The following ADGRV1 variants were observed in gnomAD, a reference collection of about 807,000 sequenced individuals.
ADGRV1 encodes the protein adhesion G protein-coupled receptor V1.
In ADGRV1, 359 loss-of-function variants were observed where a neutral mutation model predicts 596.2. That is an observed-to-expected ratio of 0.60 (90% CI 0.55 to 0.66). The LOEUF (loss-of-function observed/expected upper bound fraction) is 0.66, where lower values mean the gene tolerates loss of function less well. Among genes scored for constraint, ADGRV1 ranks in the 30% least tolerant of loss-of-function variants. The probability of loss-of-function intolerance (pLI) is 0.00; values close to 1 mark genes in which losing one functional copy is unlikely to be tolerated. For missense variants in ADGRV1, 7,274 were observed against 7,575.6 expected (o/e 0.96, Z 1.48); for synonymous variants, 2,681 against 2,679.2 (o/e 1.00, Z -0.02).
intron 86 of ADGRV1, among the ~76,000 whole-genome samples, chr5:91,095,548 G>A (rs746344078): frequency 6.6e-5 from 10 of 152,136 alleles, no homozygotes; most frequent in Non-Finnish European, 1.3e-4. Flanking sequence ...AGTGGGGGCT[G>A]ACTGCTGCGG....
chr5:90,626,861 A>G (rs1290863460), intron 6 of ADGRV1, among the ~76,000 whole-genome samples: 1 of 152,218 alleles, frequency 6.6e-6, no homozygotes, highest in Non-Finnish European at 1.5e-5. Context: ...TTTCAGTACT[A>G]CTTCTAAGCA....
In ADGRV1 at chr5:90,692,743, C is replaced by A. The variant is rs1257696195; in HGVS notation, c.7090C>A (p.Pro2364Thr). The change falls in exon 32 of 90, where the codon CCT becomes ACT. Residue 2364 changes from proline to threonine, a missense_variant. Physicochemically the swap from Pro to Thr is conservative, Grantham distance 38. Around this residue, in one of 5 missense-constraint regions of ADGRV1, gnomAD observed 3,643 missense variants for 3,809.2 expected, o/e 0.96. Coordinates refer to ENST00000405460, the MANE Select transcript of ADGRV1 (RefSeq NM_032119.4). The part of the protein sequence containing the change: ...FAQMVYRVQE[P>T]LERSSCANIT... ...TCAGATGGTTTATCGTGTTCAAGAG[C>A]CTCTGGAAAGAAGTTCCTGTGCTAA... 3.7e-6 allele frequency: 6 copies of A among 1,606,588 alleles called. No homozygotes were observed. The highest frequency in any genetic ancestry group is 5.1e-6 in the Non-Finnish European group (6 of 1,176,536).
intron 78 of ADGRV1, among the ~76,000 whole-genome samples, chr5:90,843,113 A>G (rs1765575227): frequency 6.6e-6 from 1 of 152,184 alleles, no homozygotes; most frequent in Non-Finnish European, 1.5e-5. Context: ...CGTAATTCCT[A>G]TCAATATATC....
At chr5:90,564,625 A>ATATATATTTTTTTTTTT (rs1391157470) in intron 1 of ADGRV1, among the ~76,000 whole-genome samples, 1 of 33,600 alleles carries the variant, frequency 3.0e-5, no homozygotes, top group African/African-American at 2.3e-4. Context: ...ATATATATAT[A>ATATATATTTTTTTTTTT]TTTTTTTTTT....
At chr5:91,107,252 G>C (rs951786336) in intron 87 of ADGRV1, among the ~76,000 whole-genome samples, 1 of 152,014 alleles carries the variant, frequency 6.6e-6, no homozygotes, top group Non-Finnish European at 1.5e-5. Context: ...AAGGGAGGTT[G>C]GTTGGTTCAA....
intron 1 of ADGRV1, among the ~76,000 whole-genome samples, chr5:90,607,490 A>G (rs550482979): frequency 6.6e-6 from 1 of 152,270 alleles, no homozygotes; most frequent in Admixed American, 6.5e-5. Flanking sequence ...GGATCCCTAA[A>G]TAAAACAGGG....
chr5:91,155,660 A>G (rs1037283089), intron 89 of ADGRV1, among the ~76,000 whole-genome samples: 1 of 152,240 alleles, frequency 6.6e-6, no homozygotes, highest in Non-Finnish European at 1.5e-5. Flanking sequence ...CACTAGCAAT[A>G]CAATCATTGT....
chr5:90,896,492 C>A (rs760477318), intron 83 of ADGRV1, among the ~76,000 whole-genome samples: 8 of 151,902 alleles, frequency 5.3e-5, no homozygotes, highest in Non-Finnish European at 1.0e-4. Context: ...CCAGGCTGGT[C>A]TCGAAATCCT....
At chr5:90,580,251 G>A (rs1206721488) in intron 1 of ADGRV1, among the ~76,000 whole-genome samples, 4 of 152,192 alleles carry the variant, frequency 2.6e-5, no homozygotes, top group African/African-American at 4.8e-5. Flanking sequence ...GGCTGGTACC[G>A]ATTGTTCCTT....
At chr5:90,738,517 A>G (rs1300405949) in intron 50 of ADGRV1, among the ~76,000 whole-genome samples, 1 of 152,116 alleles carries the variant, frequency 6.6e-6, no homozygotes, top group Non-Finnish European at 1.5e-5. Flanking sequence ...AAACTCTCTT[A>G]GCTTTTGTCT....
At position 90,753,764 on chromosome 5, in the gene ADGRV1, A is replaced by T; in HGVS notation, c.11312A>T (p.Asp3771Val). ...SKSVITTLPN[D>V]SPFGLVGWRA... ...TCTGTTATAACAACTTTGCCCAATG[A>T]CTCACCTTTTGGCTTGGTGGGCTGG... The change falls in exon 54 of 90, where the codon GAC becomes GTC. Residue 3771 changes from aspartate to valine, a missense_variant. Physicochemically the swap from Asp to Val is radical, Grantham distance 152 (BLOSUM62 -3). Transcript: ENST00000405460. 6.2e-7 allele frequency: 1 copy of T among 1,613,104 alleles called. No individual in the cohort carries two copies. Among genetic ancestry groups the T allele is most frequent in the South Asian group, 1.1e-5 (1 of 91,010 alleles).
At chr5:91,055,047 A>G (rs1786712593) in intron 85 of ADGRV1, among the ~76,000 whole-genome samples, 1 of 152,196 alleles carries the variant, frequency 6.6e-6, no homozygotes, top group Non-Finnish European at 1.5e-5. Flanking sequence ...AACCGAATAA[A>G]CATTTAAACA....
At chr5:91,112,829 G>A (rs1219092420) in intron 87 of ADGRV1, among the ~76,000 whole-genome samples, 1 of 152,122 alleles carries the variant, frequency 6.6e-6, no homozygotes, top group Non-Finnish European at 1.5e-5. Flanking sequence ...TTTCAGAGGT[G>A]CTGATTTTGC....
rs1767690026 is a variant in ADGRV1, at chr5:90,645,951, T to C, written c.2899-17T>C. 1 of 1,575,342 alleles carries C rather than the reference T, an allele frequency of 6.3e-7. No homozygotes were observed. Among genetic ancestry groups the C allele is most frequent in the African/African-American group, 1.4e-5 (1 of 73,880 alleles). ...TGTATAAGTCACCTGACTTAAAACG[T>C]GTAACATTTTCCAAAGATTCCAGAA... On this transcript the variant is annotated splice_polypyrimidine_tract_variant and intron_variant, in intron 15 of 89. Coordinates refer to ENST00000405460, the MANE Select transcript of ADGRV1 (RefSeq NM_032119.4).
chr5:90,711,358 A>T lies in ADGRV1; in HGVS notation c.9042+36A>T, dbSNP rs199757407. 4.6e-6 allele frequency: 7 copies of T among 1,516,600 alleles called. No homozygotes were observed. The East Asian group carries it at 9.2e-5, about 20-fold the overall frequency. 93.9% of individuals were successfully genotyped at this position (1,516,600 alleles called of 1,614,324 possible). ...AAATCTATCACAGATGACTTTTACA[A>T]ATTATTTTATAATCATTATTCCTTG... On this transcript the variant is annotated intron_variant, in intron 41 of 89. Coordinates refer to ENST00000405460, the MANE Select transcript of ADGRV1 (RefSeq NM_032119.4).
intron 10 of ADGRV1, 88 bp from the exon 11 acceptor site, chr5:90,637,637 A>G: frequency 1.1e-6 from 1 of 877,000 alleles, no homozygotes; most frequent in South Asian, 2.1e-5. Flanking sequence ...ACAGTAATAT[A>G]TGTACAAACT....
chr5:90,665,330 G>C (rs1580655261), intron 21 of ADGRV1, among the ~76,000 whole-genome samples: 2 of 151,814 alleles, frequency 1.3e-5, no homozygotes, highest in South Asian at 2.1e-4. Flanking sequence ...CTTCTTCCTG[G>C]TTTAGTCTTG....
intron 68 of ADGRV1, 143 bp from the exon 69 acceptor site, chr5:90,789,559 T>C (rs1561736331): frequency 8.7e-6 from 4 of 458,170 alleles, no homozygotes; most frequent in Non-Finnish European, 1.5e-5. Context: ...TTTCAAAAAT[T>C]AGGTAGCTAA....
At chr5:91,051,932 A>G (rs1030536059) in intron 85 of ADGRV1, among the ~76,000 whole-genome samples, 2 of 152,178 alleles carry the variant, frequency 1.3e-5, no homozygotes, top group Non-Finnish European at 2.9e-5. Context: ...CTTCTTTCAT[A>G]TAAAAGGTGG....
Sources: allele counts gnomAD v4.1 joint callset (sites outside exome capture counted in the v4.1 genomes callset), GRCh38; gene constraint gnomAD v4.1.1; regional missense constraint gnomAD v4.1.1; transcripts MANE v1.5; gene names NCBI Gene and HGNC (gene_info 2026-07-23, HGNC 2026-07-21).